ARID1B: variants seen among roughly 807,000 people sequenced by gnomAD.
The protein encoded by ARID1B is AT-rich interaction domain 1B.
In ARID1B, 30 loss-of-function variants were observed where a neutral mutation model predicts 212.3. That is an observed-to-expected ratio of 0.14 (90% CI 0.11 to 0.19). The LOEUF (loss-of-function observed/expected upper bound fraction) is 0.19, where lower values mean the gene tolerates loss of function less well. Among genes scored for constraint, ARID1B ranks in the 10% least tolerant of loss-of-function variants. The probability of loss-of-function intolerance (pLI) is 1.00; values close to 1 mark genes in which losing one functional copy is unlikely to be tolerated. For missense variants in ARID1B, 2,891 were observed against 3,204.0 expected (o/e 0.90, Z 2.36); for synonymous variants, 1,402 against 1,301.7 (o/e 1.08, Z -1.66).
chr6:157,095,810 A>G (rs773373705), intron 5 of ARID1B, among the ~76,000 whole-genome samples: 3 of 151,862 alleles, frequency 2.0e-5, no homozygotes, highest in Admixed American at 6.6e-5. Context: ...ATTTCACATG[A>G]AATCCAAGAA....
intron 4 of ARID1B, among the ~76,000 whole-genome samples, chr6:156,963,283 A>G: frequency 6.6e-6 from 1 of 152,170 alleles, no homozygotes; most frequent in East Asian, 1.9e-4. Flanking sequence ...TCTTTCTAAA[A>G]ATCGCTCTAC....
At chr6:156,936,729 G>A (rs146966116) in intron 4 of ARID1B, 71 of 150,770 alleles carry the variant, frequency 4.7e-4, no homozygotes, top group African/African-American at 1.5e-3. Flanking sequence ...AAGAATTGTT[G>A]TCATTGCCTA....
intron 8 of ARID1B, chr6:157,151,233 C>T (rs964450053): frequency 6.6e-6 from 1 of 152,130 alleles, no homozygotes; most frequent in Non-Finnish European, 1.5e-5. Flanking sequence ...GTCTAGGAAC[C>T]TGTGTTGTGC....
Position 157,210,253 on chromosome 6 carries a change from G to C in ARID1B, c.*2362G>C, listed in dbSNP as rs1794694710. The C allele has an allele frequency of 4.3e-6, 1 of 231,148 alleles. No individual in the cohort carries two copies. Among genetic ancestry groups the C allele is most frequent in the Non-Finnish European group, 8.6e-6 (1 of 116,948 alleles). The allele number at this position is 231,148 out of a possible 1,614,324, so 14.3% of individuals were successfully genotyped here. A position where few individuals can be genotyped will look rare whatever the true frequency, so the allele number is the denominator to read the frequency against. ...ATCTGCTTGCTAAGAACAGATTTCA[G>C]TGCTCCAAGCTTCAAATATGGAGAT... On this transcript the variant is annotated 3_prime_UTR_variant, in exon 20 of 20. Coordinates refer to ENST00000636930, the MANE Select transcript of ARID1B (RefSeq NM_001374828.1).
intron 1 of ARID1B, among the ~76,000 whole-genome samples, chr6:156,814,231 C>T (rs148700038): frequency 5.3e-5 from 8 of 152,128 alleles, no homozygotes; most frequent in African/African-American, 1.9e-4. Context: ...ACCTGGGCAA[C>T]ATGGCAAGAC....
chr6:157,078,290 G>C (rs990180417), intron 4 of ARID1B, among the ~76,000 whole-genome samples: 1 of 152,172 alleles, frequency 6.6e-6, no homozygotes, highest in Non-Finnish European at 1.5e-5. Context: ...CCATAATCAT[G>C]AGCATTTCTG....
At chr6:157,089,737 A>G (rs1219128897) in intron 5 of ARID1B, among the ~76,000 whole-genome samples, 2 of 152,174 alleles carry the variant, frequency 1.3e-5, no homozygotes, top group African/African-American at 2.4e-5. Context: ...AGAGACAGAA[A>G]TGAAATAGCT....
chr6:157,004,186 C>CT (rs1779071201), intron 4 of ARID1B, among the ~76,000 whole-genome samples: 1 of 152,082 alleles, frequency 6.6e-6, no homozygotes, highest in African/African-American at 2.4e-5. Flanking sequence ...AGGTGTGAGC[C>CT]TTTTATCTCT....
At chr6:157,118,428 G>A (rs986868238) in intron 6 of ARID1B, among the ~76,000 whole-genome samples, 1 of 152,186 alleles carries the variant, frequency 6.6e-6, no homozygotes, top group African/African-American at 2.4e-5. Flanking sequence ...TGTATGCTGT[G>A]TAAGTTTATA....
chr6:156,992,288 G>C (rs1315078837), intron 4 of ARID1B, among the ~76,000 whole-genome samples: 1 of 152,150 alleles, frequency 6.6e-6, no homozygotes, highest in Non-Finnish European at 1.5e-5. Context: ...AAGCTATTGG[G>C]TATCATTGCA....
intron 13 of ARID1B, chr6:157,186,050 G>A (rs536238138): frequency 5.2e-4 from 81 of 155,464 alleles, no homozygotes; most frequent in African/African-American, 1.8e-3. Flanking sequence ...CCAGTGGGGC[G>A]TAGGGACCAA....
chr6:157,199,855 C>T (rs1290013164), intron 17 of ARID1B, among the ~76,000 whole-genome samples: 4 of 151,954 alleles, frequency 2.6e-5, no homozygotes, highest in African/African-American at 4.8e-5. Context: ...CTATAAGAGA[C>T]GGGGTTTCAC....
At chr6:157,176,427 G>A (rs1220017524) in intron 11 of ARID1B, among the ~76,000 whole-genome samples, 1 of 152,102 alleles carries the variant, frequency 6.6e-6, no homozygotes, top group Non-Finnish European at 1.5e-5. Context: ...AATAGGAAAA[G>A]CATTCCTGAA....
intron 2 of ARID1B, among the ~76,000 whole-genome samples, chr6:156,833,246 C>G (rs761618400): frequency 1.3e-5 from 2 of 151,930 alleles, no homozygotes; most frequent in Non-Finnish European, 2.9e-5. Flanking sequence ...TTAAAGACAC[C>G]AAGATATTCT....
At chr6:157,178,391 TCAGA>T (rs1792260567) in intron 11 of ARID1B, among the ~76,000 whole-genome samples, 1 of 152,260 alleles carries the variant, frequency 6.6e-6, no homozygotes. Context: ...AAAGTGGGTG[TCAGA>T]CAAATAGTTA....
At chr6:156,893,652 C>T (rs975582559) in intron 2 of ARID1B, among the ~76,000 whole-genome samples, 2 of 152,050 alleles carry the variant, frequency 1.3e-5, no homozygotes. Context: ...AAGATATATA[C>T]ATGGCCAATA....
intron 4 of ARID1B, among the ~76,000 whole-genome samples, chr6:156,966,899 C>T (rs537871584): frequency 1.5e-4 from 23 of 151,924 alleles, no homozygotes; most frequent in Admixed American, 7.2e-4. Flanking sequence ...GGGGTTTCTC[C>T]GTGTTGGTCA....
rs538061445 is a variant in ARID1B at position 157,179,754 on chromosome 6, C to T, written c.3505-1215C>T. Among the ~76,000 whole-genome samples, 574 of 152,324 alleles carry T rather than the reference C, an allele frequency of 3.8e-3. 1 individual carries two copies. The highest frequency in any genetic ancestry group is 6.5e-3 in the Non-Finnish European group (440 of 68,036). ...TGTTAGTTAAAGGGAAAGCGGCGGC[C>T]TCACATGCTGCGTAAGTTTCATTCT... is the stretch of plus-strand genomic sequence containing the variant. On this transcript the variant is annotated intron_variant, in intron 11 of 19. Transcript: ENST00000636930.
intron 8 of ARID1B, among the ~76,000 whole-genome samples, chr6:157,161,256 G>A (rs1339402090): frequency 1.3e-5 from 2 of 152,038 alleles, no homozygotes; most frequent in Non-Finnish European, 2.9e-5. Context: ...TGAGACAAAT[G>A]CCACTTTACC....
Sources: gnomAD v4.1 joint callset for allele counts (sites outside exome capture counted in the v4.1 genomes callset) on GRCh38, gnomAD v4.1.1 for gene constraint, MANE v1.5 for transcripts, NCBI Gene and HGNC (gene_info 2026-07-23, HGNC 2026-07-21) for gene names.